CTIF: variants seen among roughly 807,000 people sequenced by gnomAD.
CTIF encodes cap binding complex dependent translation initiation factor.
In CTIF, 21 loss-of-function variants were observed where a neutral mutation model predicts 66.0. The ratio of observed to expected loss-of-function variants is 0.32; its 90% confidence interval spans 0.23 to 0.46. The LOEUF (loss-of-function observed/expected upper bound fraction) is 0.46, where lower values mean the gene tolerates loss of function less well. CTIF is among the 20% of genes least tolerant of loss of function. The pLI, the probability that CTIF is intolerant of heterozygous loss-of-function variation, is 1.00. For missense variants in CTIF, 739 were observed against 812.7 expected (o/e 0.91, Z 1.10); for synonymous variants, 345 against 326.4 (o/e 1.06, Z -0.62).
rs142951394 is a variant in CTIF at position 48,819,723 on chromosome 18, A to G, written c.1527+2347A>G. On this transcript the variant is annotated intron_variant, in intron 10 of 11. Coordinates refer to ENST00000256413, the MANE Select transcript of CTIF (RefSeq NM_014772.3). Reference sequence around the variant, plus strand: ...AACTTGAAGAATAAATAAATCACCTATGGTCTTCTCCAATTTGTAAAAGAA... The same window carrying G: ...AACTTGAAGAATAAATAAATCACCTGTGGTCTTCTCCAATTTGTAAAAGAA... Among the ~76,000 whole-genome samples the G allele has an allele frequency of 6.6e-4, 101 of 152,346 alleles. 1 individual carries two copies. The highest frequency in any genetic ancestry group is 2.3e-3 in the African/African-American group (96 of 41,584).
chr18:48,562,330 G>T (rs1241536632), intron 1 of CTIF, among the ~76,000 whole-genome samples: 1 of 152,206 alleles, frequency 6.6e-6, no homozygotes, highest in Non-Finnish European at 1.5e-5. Flanking sequence ...CTTGCCTCAG[G>T]TCACACAGCT....
At chr18:48,818,064 A>G (rs1327948531) in intron 10 of CTIF, among the ~76,000 whole-genome samples, 1 of 152,246 alleles carries the variant, frequency 6.6e-6, no homozygotes, top group Admixed American at 6.5e-5. Context: ...TCTAAATTTC[A>G]TCTGAAAAAG....
chr18:48,734,446 G>C (rs796786937), intron 7 of CTIF, among the ~76,000 whole-genome samples: 7 of 152,262 alleles, frequency 4.6e-5, no homozygotes, highest in African/African-American at 1.7e-4. Context: ...CAGGCATGTA[G>C]TCCCCGCTAC....
intron 9 of CTIF, among the ~76,000 whole-genome samples, chr18:48,771,892 G>A (rs910642921): frequency 6.6e-6 from 1 of 152,232 alleles, no homozygotes; most frequent in African/African-American, 2.4e-5. Context: ...GGCACGGCCG[G>A]CCCAGACAGG....
chr18:48,840,843 T>A (rs984138066), intron 10 of CTIF, among the ~76,000 whole-genome samples: 7 of 151,272 alleles, frequency 4.6e-5, no homozygotes, highest in African/African-American at 1.7e-4. Context: ...CCAACCCAGC[T>A]CCTGCCACAA....
intron 9 of CTIF, among the ~76,000 whole-genome samples, chr18:48,797,173 T>C (rs1029223148): frequency 1.3e-5 from 2 of 152,194 alleles, no homozygotes; most frequent in Non-Finnish European, 2.9e-5. Flanking sequence ...GTCTCAGTCC[T>C]GTTTTTCTCA....
chr18:48,774,666 A>T (rs1289630368), intron 9 of CTIF, among the ~76,000 whole-genome samples: 1 of 152,128 alleles, frequency 6.6e-6, no homozygotes, highest in African/African-American at 2.4e-5. Flanking sequence ...AGTGTATTCC[A>T]GAGAAGTCTG....
chr18:48,666,262 C>T (rs2091433782), intron 5 of CTIF, among the ~76,000 whole-genome samples: 1 of 152,202 alleles, frequency 6.6e-6, no homozygotes, highest in Non-Finnish European at 1.5e-5. Flanking sequence ...CACTATCCTA[C>T]ATCTCACATG....
At chr18:48,614,640 C>A (rs1490988050) in intron 1 of CTIF, among the ~76,000 whole-genome samples, 1 of 152,096 alleles carries the variant, frequency 6.6e-6, no homozygotes, top group Non-Finnish European at 1.5e-5. Context: ...TTGCATGATT[C>A]CTCTTATAGG....
chr18:48,796,368 G>A (rs1439596376), intron 9 of CTIF, among the ~76,000 whole-genome samples: 2 of 152,000 alleles, frequency 1.3e-5, no homozygotes, highest in African/African-American at 4.8e-5. Flanking sequence ...AGTAGAAACG[G>A]GGTTTCACCA....
intron 1 of CTIF, among the ~76,000 whole-genome samples, chr18:48,556,295 C>T (rs922832557): frequency 8.5e-5 from 13 of 152,144 alleles, no homozygotes; most frequent in South Asian, 2.1e-4. Flanking sequence ...TTGAGGCTCA[C>T]GAGCTTCCAG....
At chr18:48,576,382 T>C (rs1599170556) in intron 1 of CTIF, among the ~76,000 whole-genome samples, 1 of 152,192 alleles carries the variant, frequency 6.6e-6, no homozygotes, top group African/African-American at 2.4e-5. Context: ...GGAGGCGGGG[T>C]ACTGGTGCCA....
At chr18:48,700,239 A>G (rs1449013547) in intron 6 of CTIF, among the ~76,000 whole-genome samples, 1 of 152,208 alleles carries the variant, frequency 6.6e-6, no homozygotes, top group African/African-American at 2.4e-5. Flanking sequence ...ACCATGTAAG[A>G]TGTGACTTTG....
Position 48,549,483 on chromosome 18 carries a change from T to C in CTIF, c.-29+10171T>C, listed in dbSNP as rs1465649695. 2.0e-5 allele frequency among the ~76,000 whole-genome samples: 3 copies of C among 152,194 alleles called. No homozygotes were observed. In the East Asian group the frequency reaches 5.8e-4, roughly 29 times the overall value. The stretch of plus-strand genomic sequence containing the variant: ...AGGTAGGAGCTCTAGGGTTGGTTCA[T>C]TCAGGGAGTCAGCGATCATTTCAAG... On this transcript the variant is annotated intron_variant, in intron 1 of 11. Transcript: ENST00000256413.
intron 8 of CTIF, among the ~76,000 whole-genome samples, chr18:48,759,572 C>G (rs1202761108): frequency 6.6e-6 from 1 of 152,184 alleles, no homozygotes; most frequent in Non-Finnish European, 1.5e-5. Context: ...AGGCTCAGAC[C>G]TCACTTTGCC....
rs1424255412 is a variant in CTIF at position 48,861,341 on chromosome 18, T to A, written c.*1782T>A. 6.5e-6 allele frequency: 1 copy of A among 152,814 alleles called. No individual in the cohort carries two copies. The highest frequency in any genetic ancestry group is 2.4e-5 in the African/African-American group (1 of 41,474). 9.5% of individuals were successfully genotyped at this position (152,814 alleles called of 1,614,324 possible). ...GCACGCCACCTCTGGTCCCTGGCCC[T>A]GAACCCTGCCTTCTTCCTCCCTCCA... is the stretch of plus-strand genomic sequence containing the variant. On this transcript the variant is annotated 3_prime_UTR_variant, in exon 12 of 12. Coordinates refer to ENST00000256413, the MANE Select transcript of CTIF (RefSeq NM_014772.3).
intron 9 of CTIF, among the ~76,000 whole-genome samples, chr18:48,795,329 C>G (rs1466895053): frequency 6.6e-6 from 1 of 152,182 alleles, no homozygotes; most frequent in East Asian, 1.9e-4. Context: ...TAGCCTCTCC[C>G]CCAACCTGAT....
At chr18:48,682,319 C>T (rs2091760457) in intron 6 of CTIF, among the ~76,000 whole-genome samples, 2 of 152,180 alleles carry the variant, frequency 1.3e-5, no homozygotes, top group Non-Finnish European at 2.9e-5. Flanking sequence ...GTATCTTATT[C>T]ACCTCTGCAG....
intron 10 of CTIF, among the ~76,000 whole-genome samples, chr18:48,832,145 C>T (rs1438537737): frequency 6.6e-6 from 1 of 150,654 alleles, no homozygotes; most frequent in Non-Finnish European, 1.5e-5. Context: ...TGGAGAGCTC[C>T]CTGCAGGGTC....
Sources: gnomAD v4.1 joint callset for allele counts (sites outside exome capture counted in the v4.1 genomes callset) on GRCh38, gnomAD v4.1.1 for gene constraint, MANE v1.5 for transcripts, NCBI Gene and HGNC (gene_info 2026-07-23, HGNC 2026-07-21) for gene names.